Variants in GRIA2 observed in about 807,000 individuals in gnomAD.
GRIA2 encodes glutamate ionotropic receptor AMPA type subunit 2.
GRIA2 carries 14 observed loss-of-function variants against 97.3 expected under a neutral mutation model. The observed-to-expected ratio is 0.14, with a 90% CI of 0.10 to 0.23. The LOEUF is 0.23. Among genes scored for constraint, GRIA2 ranks in the 10% least tolerant of loss-of-function variants. The pLI, the probability that GRIA2 is intolerant of heterozygous loss-of-function variation, is 1.00. For synonymous variants in GRIA2, 412 were observed against 387.8 expected (o/e 1.06, Z -0.73); for missense variants, 558 against 1,069.8 (o/e 0.52, Z 6.67).
chr4:157,358,023 G>T (rs1460297015), intron 12 of GRIA2, among the ~76,000 whole-genome samples: 1 of 152,014 alleles, frequency 6.6e-6, no homozygotes, highest in Non-Finnish European at 1.5e-5. Context: ...TAAAATAATT[G>T]TGTCATCATT....
intron 7 of GRIA2, 128 bp from the exon 8 acceptor site, chr4:157,333,121 G>T: frequency 2.2e-6 from 2 of 925,560 alleles, no homozygotes; most frequent in South Asian, 1.7e-5. Context: ...CACAAAGGTA[G>T]GTTGAAGAGA....
At chr4:157,338,107 C>T (rs1560773275) in intron 11 of GRIA2, among the ~76,000 whole-genome samples, 2 of 144,458 alleles carry the variant, frequency 1.4e-5, no homozygotes, top group African/African-American at 5.1e-5. Flanking sequence ...TTTATCATCT[C>T]TGTATTTAGT....
chr4:157,333,749 C>A (rs539439218), intron 8 of GRIA2, among the ~76,000 whole-genome samples: 2 of 152,052 alleles, frequency 1.3e-5, no homozygotes, highest in African/African-American at 4.8e-5. Context: ...ATTTTAATTA[C>A]ATTTCTATAT....
rs1736613675 is a variant in GRIA2, at chr4:157,361,130, C to CCAAGGTGATGATT, written c.2406+7_2406+8insAAGGTGATGATTC. On this transcript the variant is annotated splice_region_variant and intron_variant, in intron 14 of 15. Transcript: ENST00000264426. This position sits in a 1 kb window ranked among gnomAD's most constrained non-coding sequence, Gnocchi z 5.2. ...GCGGGGGAGGTGATTCCAAGGTCAGCCCCAGTGAGAAAAGTAATGGGTAAC... is the reference window on the plus strand; with the variant it reads ...GCGGGGGAGGTGATTCCAAGGTCAGCCAAGGTGATGATTCCCAGTGAGAAAAGTAATGGGTAAC... The CCAAGGTGATGATT allele has an allele frequency of 6.3e-7, 1 of 1,587,478 alleles. No individual in the cohort carries two copies. Among genetic ancestry groups the CCAAGGTGATGATT allele is most frequent in the African/African-American group, 1.3e-5 (1 of 74,390 alleles).
intron 9 of GRIA2, chr4:157,335,462 G>A (rs941250457): frequency 9.0e-6 from 5 of 557,452 alleles, no homozygotes; most frequent in Admixed American, 3.1e-5. Context: ...CATACAAGCC[G>A]TCTTAATGAA....
At chr4:157,223,711 T>G (rs1223736025) in intron 2 of GRIA2, among the ~76,000 whole-genome samples, 7 of 152,186 alleles carry the variant, frequency 4.6e-5, no homozygotes, top group Admixed American at 3.9e-4. Flanking sequence ...AGGAAGGACA[T>G]AGGTTTTGAA....
At chr4:157,268,829 A>T (rs888395425) in intron 2 of GRIA2, among the ~76,000 whole-genome samples, 1 of 152,020 alleles carries the variant, frequency 6.6e-6, no homozygotes, top group Non-Finnish European at 1.5e-5. Context: ...TTATGAAAAA[A>T]TAGAAAGAAT....
chr4:157,293,567 G>A (rs757996755), intron 2 of GRIA2, among the ~76,000 whole-genome samples: 9 of 152,092 alleles, frequency 5.9e-5, no homozygotes, highest in Admixed American at 1.3e-4. Flanking sequence ...GGTTGCTTCT[G>A]GGAAGAATAG....
intron 2 of GRIA2, among the ~76,000 whole-genome samples, chr4:157,292,339 T>A (rs990315116): frequency 6.6e-6 from 1 of 152,050 alleles, no homozygotes; most frequent in Admixed American, 6.6e-5. Context: ...AAATTGAACA[T>A]CTATGTGGAA....
rs149607679 is a variant in GRIA2 at position 157,236,283 on chromosome 4, G to A, written c.229+14476G>A. Reference sequence around the variant, plus strand: ...AATTTAAAAAAAACACTACACACGGGGATATAATAAATATTGTCTTCTTTC... The same window carrying A: ...AATTTAAAAAAAACACTACACACGGAGATATAATAAATATTGTCTTCTTTC... On this transcript the variant is annotated intron_variant, in intron 2 of 15. Transcript: ENST00000264426. 4.5e-4 allele frequency among the ~76,000 whole-genome samples: 68 copies of A among 151,882 alleles called. 1 individual carries two copies. The highest frequency in any genetic ancestry group is 1.5e-3 in the African/African-American group (63 of 41,448).
At position 157,343,070 on chromosome 4, in the gene GRIA2, A is replaced by G. The variant is rs146183318; in HGVS notation, c.2043+1608A>G. Among the ~76,000 whole-genome samples, 139 of 152,226 alleles carry G rather than the reference A, an allele frequency of 9.1e-4. 2 individuals carry two copies. In the East Asian group the frequency reaches 0.015, roughly 17 times the overall value. On this transcript the variant is annotated intron_variant, in intron 12 of 15. Coordinates refer to ENST00000264426, the MANE Select transcript of GRIA2 (RefSeq NM_001083619.3). ...ACAAGAAAGCTAGTTGAGTTTGGGA[A>G]AAGAATGTTGCTACTCTTTTGTTTC...
rs748222396 is a variant in GRIA2, at chr4:157,360,158, A to T, written c.2291+15A>T. 3 of 1,611,826 alleles carry T rather than the reference A, an allele frequency of 1.9e-6. No homozygotes were observed. Among genetic ancestry groups the T allele is most frequent in the Non-Finnish European group, 1.7e-6 (2 of 1,178,280 alleles). On this transcript the variant is annotated intron_variant, in intron 13 of 15. Coordinates refer to ENST00000264426, the MANE Select transcript of GRIA2 (RefSeq NM_001083619.3). Reference sequence around the variant, plus strand: ...TCCTCATTAAGGTGGGTGGAATAGTATAACAATATGCTAAATGTTGTTATA... The same window carrying T: ...TCCTCATTAAGGTGGGTGGAATAGTTTAACAATATGCTAAATGTTGTTATA...
In GRIA2 at chr4:157,286,132, A is replaced by G. The variant is rs78686152; in HGVS notation, c.230-17420A>G. ...TTCCTTTAATCCATGCAGATAATAT[A>G]CCATATAGAATCTATTATGTAGAAA... On this transcript the variant is annotated intron_variant, in intron 2 of 15. Transcript: ENST00000264426. 9.4e-4 allele frequency among the ~76,000 whole-genome samples: 143 copies of G among 151,662 alleles called. 2 individuals are homozygous for G. In the East Asian group the frequency reaches 0.025, roughly 26 times the overall value.
chr4:157,326,085 A>G (rs1172138830), intron 6 of GRIA2, among the ~76,000 whole-genome samples: 1 of 152,114 alleles, frequency 6.6e-6, no homozygotes, highest in African/African-American at 2.4e-5. Flanking sequence ...TTTCAGCCAC[A>G]TTGGCCTCCT....
At chr4:157,359,743 ATTG>A (rs1222098802) in intron 12 of GRIA2, among the ~76,000 whole-genome samples, 150 bp from the exon 13 acceptor site, 1 of 152,108 alleles carries the variant, frequency 6.6e-6, no homozygotes, top group African/African-American at 2.4e-5. Flanking sequence ...ATTTCATAGA[ATTG>A]TTATTAGTGA....
intron 12 of GRIA2, among the ~76,000 whole-genome samples, chr4:157,351,044 T>C (rs1243939532): frequency 6.6e-6 from 1 of 151,596 alleles, no homozygotes; most frequent in African/African-American, 2.4e-5. Context: ...TATATCTTCA[T>C]CCAAATTGTT....
intron 2 of GRIA2, among the ~76,000 whole-genome samples, chr4:157,295,548 A>T (rs1560752189): frequency 6.6e-6 from 1 of 152,130 alleles, no homozygotes; most frequent in Non-Finnish European, 1.5e-5. Flanking sequence ...GAGTGAACAA[A>T]GTAAAGGGTA....
chr4:157,347,100 G>A (rs1275942910), intron 12 of GRIA2, among the ~76,000 whole-genome samples: 3 of 152,230 alleles, frequency 2.0e-5, no homozygotes, highest in South Asian at 2.1e-4. Context: ...TTTAAGGACC[G>A]TGCAGCTCAT....
At chr4:157,333,085 A>G (rs1014964953) in intron 7 of GRIA2, 99 bp downstream of exon 7, 15 of 1,017,134 alleles carry the variant, frequency 1.5e-5, no homozygotes, top group South Asian at 6.6e-5. Context: ...TGTGTCTAAT[A>G]TACAGGCAAT....
Sources: gnomAD v4.1 joint callset for allele counts (sites outside exome capture counted in the v4.1 genomes callset) on GRCh38, gnomAD v4.1.1 for gene constraint, Gnocchi (gnomAD v3.1) non-coding constraint, MANE v1.5 for transcripts, NCBI Gene and HGNC (gene_info 2026-07-23, HGNC 2026-07-21) for gene names.